The following TLN2 variants were observed in gnomAD, a reference collection of about 807,000 sequenced individuals.
The protein encoded by TLN2 is talin 2.
TLN2 carries 118 observed loss-of-function variants against 294.7 expected under a neutral mutation model. That is an observed-to-expected ratio of 0.40 (90% CI 0.34 to 0.47). TLN2 has a LOEUF of 0.47. Among genes scored for constraint, TLN2 ranks in the 20% least tolerant of loss-of-function variants. The probability of loss-of-function intolerance (pLI) is 0.84; values close to 1 mark genes in which losing one functional copy is unlikely to be tolerated. For missense variants in TLN2, 3,083 were observed against 3,282.2 expected (o/e 0.94, Z 1.48); for synonymous variants, 1,431 against 1,304.5 (o/e 1.10, Z -2.09).
At chr15:62,666,394 C>T (rs1424004398) in intron 9 of TLN2, among the ~76,000 whole-genome samples, 4 of 152,250 alleles carry the variant, frequency 2.6e-5, no homozygotes, top group African/African-American at 9.6e-5. Context: ...GCTTGGTCTT[C>T]TGCTCCTTTG....
chr15:62,447,542 T>A (rs2140314791), intron 1 of TLN2, among the ~76,000 whole-genome samples: 1 of 151,062 alleles, frequency 6.6e-6, no homozygotes, highest in South Asian at 2.1e-4. Flanking sequence ...TCGCCCAGGC[T>A]GGAGTGCAAT....
intron 48 of TLN2, among the ~76,000 whole-genome samples, chr15:62,799,374 T>C (rs2065766507): frequency 6.6e-6 from 1 of 152,264 alleles, no homozygotes; most frequent in African/African-American, 2.4e-5. Context: ...CTGGAGCTAC[T>C]GGACTGGGAA....
Position 62,841,558 on chromosome 15 carries a change from A to C in TLN2, c.*948A>C, listed in dbSNP as rs577968131. ...CCCGGATTGGAAAGGATCTGCTTAC[A>C]AACCTGTCCCCTGTCCTCCAACCCA... is the stretch of plus-strand genomic sequence containing the variant. On this transcript the variant is annotated 3_prime_UTR_variant, in exon 59 of 59. Transcript: ENST00000636159. The C allele has an allele frequency of 3.3e-4, 51 of 152,320 alleles. No individual in the cohort carries two copies. The East Asian group carries it at 9.4e-3, about 28-fold the overall frequency. The allele number at this position is 152,320 out of a possible 1,614,324, so 9.4% of individuals were successfully genotyped here.
chr15:62,836,690 T>A (rs1173735027), intron 57 of TLN2, among the ~76,000 whole-genome samples: 1 of 151,834 alleles, frequency 6.6e-6, no homozygotes, highest in African/African-American at 2.4e-5. Flanking sequence ...TACATTTTCC[T>A]GATTGCTTTA....
intron 1 of TLN2, among the ~76,000 whole-genome samples, chr15:62,447,487 A>G (rs2035883731): frequency 6.6e-6 from 1 of 150,564 alleles, no homozygotes. Flanking sequence ...GGACAGAGTT[A>G]ACTTTACTTT....
At chr15:62,737,643 A>G (rs2061098379) in intron 29 of TLN2, among the ~76,000 whole-genome samples, 1 of 152,210 alleles carries the variant, frequency 6.6e-6, no homozygotes, top group Non-Finnish European at 1.5e-5. Flanking sequence ...CAAAGAATGC[A>G]AACAGGGAGC....
At chr15:62,691,043 A>AGGGGGGAGGGG (rs1567365169) in intron 12 of TLN2, among the ~76,000 whole-genome samples, 1 of 8,348 alleles carries the variant, frequency 1.2e-4, no homozygotes, top group African/African-American at 3.1e-4. Flanking sequence ...AGGGAGAGGG[A>AGGGGGGAGGGG]GAGGGGGAGG....
intron 1 of TLN2, among the ~76,000 whole-genome samples, chr15:62,587,410 T>C (rs185821945): frequency 6.2e-4 from 94 of 152,326 alleles, no homozygotes; most frequent in African/African-American, 2.1e-3. Flanking sequence ...TTGATAAACA[T>C]CCTTCTAGAC....
At chr15:62,413,050 C>T (rs992034677) in intron 1 of TLN2, among the ~76,000 whole-genome samples, 9 of 152,040 alleles carry the variant, frequency 5.9e-5, no homozygotes, top group African/African-American at 2.2e-4. Flanking sequence ...GCGATGTGCC[C>T]TCGAGAAAAA....
Position 62,657,788 on chromosome 15 carries a change from G to A in TLN2, c.678G>A (p.Leu226=). ...LLYVQARDDI[L]NGSHPVSFEK... ...TGTTTCAGGCACGGGATGACATCCTGAATGGCTCTCACCCTGTCTCCTTCG... is the reference window on the plus strand; with the variant it reads ...TGTTTCAGGCACGGGATGACATCCTAAATGGCTCTCACCCTGTCTCCTTCG... Residue 226 remains leucine (L), a synonymous_variant, in exon 9 of 59, where the codon CTG becomes CTA. Transcript: ENST00000636159. 6.2e-7 allele frequency: 1 copy of A among 1,613,062 alleles called. No individual in the cohort carries two copies. Among genetic ancestry groups the A allele is most frequent in the South Asian group, 1.1e-5 (1 of 90,718 alleles).
rs971671192 is a variant in TLN2, at chr15:62,842,474, CAG to C, written c.*1867_*1868del. 6.6e-6 allele frequency: 1 copy of C among 152,244 alleles called. No homozygotes were observed. Among genetic ancestry groups the C allele is most frequent in the Non-Finnish European group, 1.5e-5 (1 of 68,150 alleles). The allele number at this position is 152,244 out of a possible 1,614,324, so 9.4% of individuals were successfully genotyped here. On this transcript the variant is annotated 3_prime_UTR_variant, in exon 59 of 59. Coordinates refer to ENST00000636159, the MANE Select transcript of TLN2 (RefSeq NM_015059.3). ...CACTCAGGAGTCAGACCCCAATGCT[CAG>C]AGTCACAATGTGTTCATGGCCTCCT...
At chr15:62,709,679 C>T (rs535831357) in intron 21 of TLN2, among the ~76,000 whole-genome samples, 13 of 152,226 alleles carry the variant, frequency 8.5e-5, no homozygotes, top group South Asian at 6.2e-4. Flanking sequence ...TCAAAATTCC[C>T]GAAATTCATA....
At position 62,694,347 on chromosome 15, in the gene TLN2, GTGA is replaced by G. The variant is rs2058168910; in HGVS notation, c.1251_1253del (p.Asp417del). The G allele has an allele frequency of 6.2e-7, 1 of 1,614,104 alleles. No individual in the cohort carries two copies. Among genetic ancestry groups the G allele is most frequent in the African/African-American group, 1.3e-5 (1 of 75,016 alleles). On this transcript the variant is annotated inframe_deletion, in exon 14 of 59. Transcript: ENST00000636159. ...AGTAAAGATCGATTTGGACTAGAAG[GTGA>G]TGAGGAGTCAACCATGTTAGAAGAG...
At position 62,809,891 on chromosome 15, in the gene TLN2, ATGTTAAGATT is replaced by A. The variant is rs1300937990; in HGVS notation, c.6664-32_6664-23del. Reference sequence around the variant, plus strand: ...GGACTGCCCAATGCTGGCTTTTCCCATGTTAAGATTTCAGCATTCCTTTCTCTCTCCAGCA... The same window carrying A: ...GGACTGCCCAATGCTGGCTTTTCCCATCAGCATTCCTTTCTCTCTCCAGCA... On this transcript the variant is annotated intron_variant, in intron 51 of 58. Transcript: ENST00000636159. The A allele has an allele frequency of 1.9e-6, 3 of 1,603,698 alleles. No individual in the cohort carries two copies. In the African/African-American group the frequency reaches 4.0e-5, roughly 21 times the overall value.
chr15:62,530,351 TATTC>T (rs138448735), intron 1 of TLN2, among the ~76,000 whole-genome samples: 17 of 152,150 alleles, frequency 1.1e-4, no homozygotes, highest in East Asian at 3.9e-4. Context: ...TTTATTCATG[TATTC>T]ATTCATTCAT....
intron 1 of TLN2, among the ~76,000 whole-genome samples, chr15:62,541,324 G>C (rs916879935): frequency 1.3e-5 from 2 of 152,052 alleles, no homozygotes; most frequent in Non-Finnish European, 2.9e-5. Flanking sequence ...TGCTATTATT[G>C]GCCACTGTCT....
At chr15:62,464,474 A>T (rs1389593649) in intron 1 of TLN2, among the ~76,000 whole-genome samples, 2 of 152,100 alleles carry the variant, frequency 1.3e-5, no homozygotes, top group Non-Finnish European at 2.9e-5. Flanking sequence ...CCTAACGTAA[A>T]TGATGAGTTG....
chr15:62,770,916 C>G, intron 41 of TLN2, 48 bp from the exon 42 acceptor site: 2 of 1,571,228 alleles, frequency 1.3e-6, no homozygotes, highest in Non-Finnish European at 1.7e-6. Flanking sequence ...GAAGGAGACA[C>G]GTGTATTTAC....
At chr15:62,536,941 C>G (rs773664514) in intron 1 of TLN2, among the ~76,000 whole-genome samples, 3 of 152,000 alleles carry the variant, frequency 2.0e-5, no homozygotes, top group Non-Finnish European at 4.4e-5. Flanking sequence ...CTTCTAGCTG[C>G]TTGAGAATGT....
Sources: allele counts gnomAD v4.1 joint callset (sites outside exome capture counted in the v4.1 genomes callset), GRCh38; gene constraint gnomAD v4.1.1; transcripts MANE v1.5; gene names NCBI Gene and HGNC (gene_info 2026-07-23, HGNC 2026-07-21).